ANK3: variants seen among roughly 807,000 people sequenced by gnomAD.
The protein encoded by ANK3 is ankyrin-3.
ANK3 carries 57 observed loss-of-function variants against 370.9 expected under a neutral mutation model. The observed-to-expected ratio is 0.15, with a 90% CI of 0.12 to 0.19. ANK3 has a LOEUF of 0.19. ANK3 is among the 10% of genes least tolerant of loss of function. The pLI, the probability that ANK3 is intolerant of heterozygous loss-of-function variation, is 1.00. For synonymous variants in ANK3, 1,929 were observed against 1,946.3 expected, an observed-to-expected ratio of 0.99 and a Z score of 0.23; for missense variants, 4,439 against 5,302.1, an observed-to-expected ratio of 0.84 and a Z score of 5.06.
chr10:60,625,762 C>CACAT (rs1287340249), intron 1 of ANK3, among the ~76,000 whole-genome samples: 1 of 152,180 alleles, frequency 6.6e-6, no homozygotes, highest in Non-Finnish European at 1.5e-5. Flanking sequence ...AACACACACA[C>CACAT]ACATATCTTT....
At chr10:60,514,189 G>C (rs557449506) in intron 2 of ANK3, among the ~76,000 whole-genome samples, 1 of 152,218 alleles carries the variant, frequency 6.6e-6, no homozygotes, top group Non-Finnish European at 1.5e-5. Flanking sequence ...CAGTAAGGCT[G>C]CCCGTCAACA....
chr10:60,301,321 C>T (rs1281714545), intron 1 of ANK3, among the ~76,000 whole-genome samples: 1 of 147,186 alleles, frequency 6.8e-6, no homozygotes, highest in Non-Finnish European at 1.5e-5. Context: ...CACATACACA[C>T]ACGTGTGTAT....
In ANK3 at chr10:60,300,002, G is replaced by C. The variant is rs143519592; in HGVS notation, c.115-20363C>G. 7.4e-3 allele frequency among the ~76,000 whole-genome samples: 1,128 copies of C among 152,170 alleles called. 7 individuals are homozygous for C. Among genetic ancestry groups the C allele is most frequent in the Admixed American group, 0.017 (253 of 15,280 alleles). ...ACCATATAAACCTTTTTACGCTCTT[G>C]GATTTACCAGGCTTTTCCTGCACTC... On this transcript the variant is annotated intron_variant, in intron 1 of 43. Transcript: ENST00000280772.
chr10:60,644,043 T>G lies in ANK3; in HGVS notation c.58-28819A>C, dbSNP rs554072142. On this transcript the variant is annotated intron_variant, in intron 1 of 43. Transcript: ENST00000373827. ...AGCCAATTATTTTCCATCTTTTGTT[T>G]AAGCTAATTTGAGTGTGGTTTCTGC... Among the ~76,000 whole-genome samples, 8 of 152,320 alleles carry G rather than the reference T, an allele frequency of 5.3e-5. No individual in the cohort carries two copies. The South Asian group carries it at 1.5e-3, about 28-fold the overall frequency.
At chr10:60,532,269 C>T (rs1595220410) in intron 2 of ANK3, among the ~76,000 whole-genome samples, 1 of 152,236 alleles carries the variant, frequency 6.6e-6, no homozygotes, top group South Asian at 2.1e-4. Flanking sequence ...CATCTTTGTG[C>T]AGCCGACCAA....
At chr10:60,299,617 T>C (rs940624103) in intron 1 of ANK3, among the ~76,000 whole-genome samples, 2 of 152,144 alleles carry the variant, frequency 1.3e-5, no homozygotes, top group African/African-American at 2.4e-5. Context: ...ATGATCTACA[T>C]AGCATTAGGT....
At chr10:60,235,907 A>T (rs1002577409) in intron 7 of ANK3, among the ~76,000 whole-genome samples, 1 of 152,170 alleles carries the variant, frequency 6.6e-6, no homozygotes, top group African/African-American at 2.4e-5. Context: ...CACAATCCTC[A>T]TATCATCATA....
chr10:60,359,315 A>G (rs148055708), intron 1 of ANK3, among the ~76,000 whole-genome samples: 44 of 152,278 alleles, frequency 2.9e-4, no homozygotes, highest in African/African-American at 9.9e-4. Context: ...TGGCCTCAAT[A>G]GCACTCCTCT....
chr10:60,623,395 C>T (rs2078365024), intron 1 of ANK3, among the ~76,000 whole-genome samples: 1 of 151,992 alleles, frequency 6.6e-6, no homozygotes, highest in Admixed American at 6.6e-5. Context: ...ACGCATGATA[C>T]CACAAGGATG....
chr10:60,512,941 G>C (rs77572108), intron 2 of ANK3, among the ~76,000 whole-genome samples: 1 of 151,988 alleles, frequency 6.6e-6, no homozygotes, highest in African/African-American at 2.4e-5. Flanking sequence ...CATAATTTAC[G>C]TGATTCATAT....
chr10:60,495,603 C>T (rs943070064), intron 2 of ANK3, among the ~76,000 whole-genome samples: 1 of 152,056 alleles, frequency 6.6e-6, no homozygotes, highest in Non-Finnish European at 1.5e-5. Context: ...TAGTCTGACT[C>T]AGGACAAAAC....
chr10:60,051,492 G>A (rs886926156), intron 42 of ANK3: 2 of 985,236 alleles, frequency 2.0e-6, no homozygotes, highest in Non-Finnish European at 2.4e-6. Context: ...ATCAAACGCC[G>A]GCGAATAACT....
At chr10:60,453,437 C>T (rs901331799) in intron 2 of ANK3, among the ~76,000 whole-genome samples, 9 of 152,136 alleles carry the variant, frequency 5.9e-5, no homozygotes, top group African/African-American at 1.2e-4. Context: ...AAATAGTCTT[C>T]GTGGTGTTCT....
intron 2 of ANK3, among the ~76,000 whole-genome samples, chr10:60,551,992 A>G (rs1342409831): frequency 6.6e-6 from 1 of 152,160 alleles, no homozygotes; most frequent in Non-Finnish European, 1.5e-5. Context: ...TACTATCTGA[A>G]AATTCCTTTC....
chr10:60,657,887 A>C (rs1026373326), intron 1 of ANK3, among the ~76,000 whole-genome samples: 1 of 88,774 alleles, frequency 1.1e-5, no homozygotes, highest in Non-Finnish European at 2.6e-5. Flanking sequence ...CTCATATATT[A>C]TGAAACTCTG....
At chr10:60,648,795 G>T (rs2078747386) in intron 1 of ANK3, among the ~76,000 whole-genome samples, 1 of 130,218 alleles carries the variant, frequency 7.7e-6, no homozygotes, top group East Asian at 2.2e-4. Flanking sequence ...ATTCTTGCTG[G>T]GAGTAGATAC....
At chr10:60,687,847 G>GGT (rs1211283526) in intron 1 of ANK3, among the ~76,000 whole-genome samples, 1 of 152,006 alleles carries the variant, frequency 6.6e-6, no homozygotes, top group Non-Finnish European at 1.5e-5. Flanking sequence ...AAGACAATGT[G>GGT]GTATATATAT....
intron 2 of ANK3, among the ~76,000 whole-genome samples, chr10:60,395,598 T>G: frequency 8.4e-6 from 1 of 119,336 alleles, no homozygotes; most frequent in South Asian, 2.7e-4. Context: ...CTTTCTTTCT[T>G]TCTTTCTTTC....
chr10:60,226,462 T>A (rs1412732730), intron 8 of ANK3, among the ~76,000 whole-genome samples: 2 of 112,964 alleles, frequency 1.8e-5, no homozygotes, highest in South Asian at 2.6e-4. Context: ...ATATAGTATA[T>A]ATACATAGTA....
Sources: gnomAD v4.1 joint callset for allele counts (sites outside exome capture counted in the v4.1 genomes callset) on GRCh38, gnomAD v4.1.1 for gene constraint, MANE v1.5 for transcripts, NCBI Gene and HGNC (gene_info 2026-07-23, HGNC 2026-07-21) for gene names.